The following GPC5 variants were observed in gnomAD, a reference collection of about 807,000 sequenced individuals.
GPC5 encodes glypican 5.
GPC5 carries 47 observed loss-of-function variants against 53.9 expected under a neutral mutation model. The observed-to-expected ratio is 0.87, with a 90% CI of 0.69 to 1.11. The LOEUF (loss-of-function observed/expected upper bound fraction) is 1.11, where lower values mean the gene tolerates loss of function less well. Among genes scored for constraint, GPC5 ranks in the 50% most tolerant of loss-of-function variants. The pLI is 0.00. For synonymous variants in GPC5, 286 were observed against 263.3 expected, an observed-to-expected ratio of 1.09 and a Z score of -0.84; for missense variants, 748 against 713.1, an observed-to-expected ratio of 1.05 and a Z score of -0.56.
intron 7 of GPC5, among the ~76,000 whole-genome samples, chr13:92,273,471 T>C (rs1394148542): frequency 6.6e-6 from 1 of 152,020 alleles, no homozygotes; most frequent in African/African-American, 2.4e-5. Flanking sequence ...GGATAAGGTG[T>C]GTAAAGTGTT....
At chr13:91,537,304 GA>G (rs556822948) in intron 2 of GPC5, among the ~76,000 whole-genome samples, 18 of 151,338 alleles carry the variant, frequency 1.2e-4, no homozygotes, top group Admixed American at 5.9e-4. Context: ...GACTGAACAA[GA>G]AAAAAAAGAA....
chr13:92,175,301 G>A (rs2042101732), intron 7 of GPC5, among the ~76,000 whole-genome samples: 1 of 152,126 alleles, frequency 6.6e-6, no homozygotes, highest in African/African-American at 2.4e-5. Flanking sequence ...CTATAGTTAT[G>A]TTTACATCTA....
rs559681585 is a variant in GPC5 at position 92,361,353 on chromosome 13, G to C, written c.1561+216364G>C. Among the ~76,000 whole-genome samples the C allele has an allele frequency of 2.0e-5, 3 of 151,674 alleles. No individual in the cohort carries two copies. In the East Asian group the frequency reaches 5.8e-4, roughly 29 times the overall value. ...GATCAATTCTATTGCTGTCTTACCT[G>C]GACCCGGTCATTTAGCTTGTCACTG... is the stretch of plus-strand genomic sequence containing the variant. On this transcript the variant is annotated intron_variant, in intron 7 of 7. Coordinates refer to ENST00000377067, the MANE Select transcript of GPC5 (RefSeq NM_004466.6).
intron 7 of GPC5, among the ~76,000 whole-genome samples, chr13:92,203,919 A>T: frequency 6.6e-6 from 1 of 152,062 alleles, no homozygotes; most frequent in East Asian, 1.9e-4. Flanking sequence ...TCTTTCTCAA[A>T]TGAAAAAAAA....
chr13:91,761,402 A>G (rs2037409075), intron 5 of GPC5, among the ~76,000 whole-genome samples: 1 of 152,058 alleles, frequency 6.6e-6, no homozygotes, highest in African/African-American at 2.4e-5. Flanking sequence ...CCAAAACCAG[A>G]TGAGTGTCCT....
intron 7 of GPC5, among the ~76,000 whole-genome samples, chr13:92,188,492 T>A (rs1390278240): frequency 1.3e-5 from 2 of 152,164 alleles, no homozygotes; most frequent in African/African-American, 4.8e-5. Flanking sequence ...TTTTGTACCC[T>A]TGATTTTGAA....
chr13:92,054,520 G>T lies in GPC5; in HGVS notation c.1402-90310G>T, dbSNP rs548484335. Among the ~76,000 whole-genome samples the T allele has an allele frequency of 1.1e-4, 17 of 152,204 alleles. No individual in the cohort carries two copies. The South Asian group carries it at 3.3e-3, about 30-fold the overall frequency. The stretch of plus-strand genomic sequence containing the variant: ...ATTTCTGATGCAGGCATTCTTAAAT[G>T]CAATTTATATGAATAAAATGAAGCT... On this transcript the variant is annotated intron_variant, in intron 6 of 7. Transcript: ENST00000377067.
chr13:92,287,642 C>G (rs2042965507), intron 7 of GPC5, among the ~76,000 whole-genome samples: 1 of 152,096 alleles, frequency 6.6e-6, no homozygotes. Context: ...CACTGGCTGT[C>G]AATTATATTG....
intron 2 of GPC5, among the ~76,000 whole-genome samples, chr13:91,601,620 G>A (rs1010795590): frequency 6.6e-5 from 10 of 151,978 alleles, no homozygotes; most frequent in African/African-American, 2.2e-4. Context: ...ATAGGAGTGC[G>A]AATCCTATTG....
intron 7 of GPC5, among the ~76,000 whole-genome samples, chr13:92,739,172 A>G (rs1274172737): frequency 6.6e-6 from 1 of 152,098 alleles, no homozygotes; most frequent in African/African-American, 2.4e-5. Context: ...ATATGTCTCT[A>G]TATGTTTTTA....
chr13:92,171,697 C>T (rs527959127), intron 7 of GPC5, among the ~76,000 whole-genome samples: 1 of 152,142 alleles, frequency 6.6e-6, no homozygotes, highest in Non-Finnish European at 1.5e-5. Context: ...CTATTAGGTC[C>T]TTTCACTTCT....
At chr13:92,566,019 T>C (rs1882852985) in intron 7 of GPC5, among the ~76,000 whole-genome samples, 1 of 152,080 alleles carries the variant, frequency 6.6e-6, no homozygotes, top group South Asian at 2.1e-4. Context: ...ATTTTAATAA[T>C]TATATAATTA....
At chr13:91,569,547 ACCC>A (rs1366219319) in intron 2 of GPC5, among the ~76,000 whole-genome samples, 1 of 152,094 alleles carries the variant, frequency 6.6e-6, no homozygotes, top group African/African-American at 2.4e-5. Flanking sequence ...AGGTGGTATA[ACCC>A]CCAATGAGAA....
intron 7 of GPC5, among the ~76,000 whole-genome samples, chr13:92,756,915 T>C (rs553967787): frequency 4.7e-4 from 72 of 151,700 alleles, no homozygotes; most frequent in Non-Finnish European, 9.1e-4. Flanking sequence ...CCCAAGGTAA[T>C]TTATAGATTC....
intron 5 of GPC5, among the ~76,000 whole-genome samples, chr13:91,851,136 A>G (rs1331051609): frequency 1.3e-5 from 2 of 152,134 alleles, no homozygotes; most frequent in Non-Finnish European, 2.9e-5. Context: ...CCTGGCAAGT[A>G]ACATGGAGAT....
chr13:92,628,997 A>G (rs1240372236), intron 7 of GPC5, among the ~76,000 whole-genome samples: 4 of 152,048 alleles, frequency 2.6e-5, no homozygotes, highest in Non-Finnish European at 5.9e-5. Flanking sequence ...TTATAAACCA[A>G]AGGTAGGATG....
chr13:92,287,511 C>G (rs1430402765), intron 7 of GPC5, among the ~76,000 whole-genome samples: 1 of 152,020 alleles, frequency 6.6e-6, no homozygotes, highest in Non-Finnish European at 1.5e-5. Context: ...CAAAGTGTGC[C>G]TCATACATAT....
At chr13:91,909,395 C>G (rs2039587972) in intron 6 of GPC5, among the ~76,000 whole-genome samples, 1 of 152,150 alleles carries the variant, frequency 6.6e-6, no homozygotes, top group African/African-American at 2.4e-5. Flanking sequence ...TGAGTACAAT[C>G]TCACTGTGAG....
chr13:92,636,427 G>T (rs1277591708), intron 7 of GPC5, among the ~76,000 whole-genome samples: 1 of 151,920 alleles, frequency 6.6e-6, no homozygotes, highest in Non-Finnish European at 1.5e-5. Flanking sequence ...TTGTTTCTTG[G>T]CCCTTCTTGT....
Sources: allele counts gnomAD v4.1 joint callset (sites outside exome capture counted in the v4.1 genomes callset), GRCh38; gene constraint gnomAD v4.1.1; transcripts MANE v1.5; gene names NCBI Gene and HGNC (gene_info 2026-07-23, HGNC 2026-07-21).